Variants in PGGT1B observed in about 807,000 individuals in gnomAD.
PGGT1B encodes the protein protein geranylgeranyltransferase type I subunit beta.
A neutral mutation model predicts 46.1 loss-of-function variants in PGGT1B; 30 were observed. The observed-to-expected ratio is 0.65, with a 90% confidence interval of 0.49 to 0.88. The LOEUF (loss-of-function observed/expected upper bound fraction) is 0.88, where lower values mean the gene tolerates loss of function less well. Among genes scored for constraint, PGGT1B ranks in the 40% least tolerant of loss-of-function variants. The probability of loss-of-function intolerance (pLI) is 0.00; values close to 1 mark genes in which losing one functional copy is unlikely to be tolerated. For synonymous variants in PGGT1B, 170 were observed against 160.0 expected (o/e 1.06, Z -0.47); for missense variants, 376 against 455.9 (o/e 0.82, Z 1.60).
chr5:115,234,594 G>C (rs141796064), intron 5 of PGGT1B, among the ~76,000 whole-genome samples: 191 of 152,092 alleles, frequency 1.3e-3, no homozygotes, highest in African/African-American at 4.5e-3. Context: ...ACTTCAAACA[G>C]ATAACATAAC....
At position 115,211,598 on chromosome 5, in the gene PGGT1B, C is replaced by CAAAAAA. The variant is rs34207751; in HGVS notation, c.*798_*803dup. 47 of 72,850 alleles carry CAAAAAA rather than the reference C, an allele frequency of 6.5e-4. No individual in the cohort carries two copies. The highest frequency in any genetic ancestry group is 1.2e-3 in the African/African-American group (22 of 18,178). 4.5% of individuals were successfully genotyped at this position (72,850 alleles called of 1,614,324 possible). The stretch of plus-strand genomic sequence containing the variant: ...AAAAGATTGTTTTCTTCCTAGAAAG[C>CAAAAAA]AAAAAAAAAAAAAAAAAAAAAAAGG... On this transcript the variant is annotated 3_prime_UTR_variant, in exon 9 of 9. Coordinates refer to ENST00000419445, the MANE Select transcript of PGGT1B (RefSeq NM_005023.4).
chr5:115,246,469 C>A (rs1747840385), intron 2 of PGGT1B, among the ~76,000 whole-genome samples: 1 of 151,940 alleles, frequency 6.6e-6, no homozygotes, highest in Admixed American at 6.6e-5. Flanking sequence ...GTAAGCATAC[C>A]TTTTCATGAT....
chr5:115,256,457 T>C (rs533971977), intron 1 of PGGT1B, among the ~76,000 whole-genome samples: 1 of 152,318 alleles, frequency 6.6e-6, no homozygotes, highest in South Asian at 2.1e-4. Context: ...TACTTAATTA[T>C]TAAGGGCTCC....
In PGGT1B at chr5:115,207,556, C is replaced by G. The variant is rs1428442637; in HGVS notation, c.*4846G>C. On this transcript the variant is annotated 3_prime_UTR_variant, in exon 9 of 9. Coordinates refer to ENST00000419445, the MANE Select transcript of PGGT1B (RefSeq NM_005023.4). ...TGATTTCTGACACCATACATAGATG[C>G]TGTCTGTTTTGAACTTCACCGAAAT... 1 of 151,954 alleles carries G rather than the reference C, an allele frequency of 6.6e-6. No homozygotes were observed. The highest frequency in any genetic ancestry group is 2.4e-5 in the African/African-American group (1 of 41,394). The allele number at this position is 151,954 out of a possible 1,614,324, so 9.4% of individuals were successfully genotyped here. A position where few individuals can be genotyped will look rare whatever the true frequency, so the allele number is the denominator to read the frequency against.
intron 8 of PGGT1B, among the ~76,000 whole-genome samples, chr5:115,213,399 TA>T (rs1486582962): frequency 6.6e-6 from 1 of 152,174 alleles, no homozygotes; most frequent in Non-Finnish European, 1.5e-5. Flanking sequence ...ATAGGAACAT[TA>T]AAAAGACAGT....
intron 2 of PGGT1B, among the ~76,000 whole-genome samples, chr5:115,242,202 C>T (rs1221881447): frequency 3.3e-5 from 5 of 152,142 alleles, no homozygotes; most frequent in Non-Finnish European, 1.5e-5. Context: ...TAGTCTCTCT[C>T]TACTCAATCA....
intron 2 of PGGT1B, among the ~76,000 whole-genome samples, chr5:115,246,497 C>T (rs1747841653): frequency 1.3e-5 from 2 of 152,102 alleles, no homozygotes; most frequent in African/African-American, 2.4e-5. Flanking sequence ...AAAGTATACA[C>T]ACACAATTCA....
intron 1 of PGGT1B, among the ~76,000 whole-genome samples, chr5:115,257,242 G>A (rs1411594486): frequency 6.6e-6 from 1 of 152,192 alleles, no homozygotes; most frequent in South Asian, 2.1e-4. Flanking sequence ...GATGGGCGCA[G>A]TGGCTCACTC....
Position 115,231,020 on chromosome 5 carries a change from G to C in PGGT1B, c.614C>G (p.Ser205Cys), listed in dbSNP as rs1364936565. The C allele has an allele frequency of 2.6e-6, 4 of 1,524,114 alleles. No individual in the cohort carries two copies. Among genetic ancestry groups the C allele is most frequent in the African/African-American group, 2.8e-5 (2 of 71,438 alleles). 94.4% of individuals were successfully genotyped at this position (1,524,114 alleles called of 1,614,324 possible). The change falls in exon 6 of 9, where the codon TCC becomes TGC. Residue 205 changes from serine (S) to cysteine (C), a missense_variant and splice_region_variant. Physicochemically the swap from Ser to Cys is moderately radical, Grantham distance 112. Coordinates refer to ENST00000419445, the MANE Select transcript of PGGT1B (RefSeq NM_005023.4). Reference protein sequence around the residue: ...KAITYIRRSMSYDNGLAQGAG... With the variant: ...KAITYIRRSMCYDNGLAQGAG... ...TCCCTGTGCCAGTCCATTGTCATAG[G>C]ACTGAAAAAGAAAAACATTGTTCAG...
At position 115,212,326 on chromosome 5, in the gene PGGT1B, A is replaced by G; in HGVS notation, c.*76T>C. 6.3e-7 allele frequency: 1 copy of G among 1,595,912 alleles called. No homozygotes were observed. The highest frequency in any genetic ancestry group is 2.3e-5 in the East Asian group (1 of 44,320). The stretch of plus-strand genomic sequence containing the variant: ...ACTCTACCTTTTAAAAAAAGAGCAC[A>G]CTTGGTTATACATGGCTTTTAAACT... On this transcript the variant is annotated 3_prime_UTR_variant, in exon 9 of 9. Transcript: ENST00000419445.
rs1409115494 is a variant in PGGT1B at position 115,221,554 on chromosome 5, T to C, written c.843+270A>G. On this transcript the variant is annotated intron_variant, in intron 7 of 8. Transcript: ENST00000419445. ...CCTTATACCCACAAGAAAGTAAGTA[T>C]TTAATATGTTCTATGTAAGGTTTTA... Among the ~76,000 whole-genome samples the C allele has an allele frequency of 2.0e-5, 3 of 152,004 alleles. No individual in the cohort carries two copies. The East Asian group carries it at 5.8e-4, about 29-fold the overall frequency.
chr5:115,225,866 C>T (rs1756765890), intron 6 of PGGT1B, among the ~76,000 whole-genome samples: 1 of 151,898 alleles, frequency 6.6e-6, no homozygotes, highest in Admixed American at 6.6e-5. Context: ...CCAGGCTGGT[C>T]CTGAACTCCT....
intron 5 of PGGT1B, among the ~76,000 whole-genome samples, chr5:115,236,074 C>T (rs528988633): frequency 6.6e-6 from 1 of 152,240 alleles, no homozygotes; most frequent in East Asian, 1.9e-4. Flanking sequence ...TCAGGACTCT[C>T]TACTAACTCC....
intron 2 of PGGT1B, among the ~76,000 whole-genome samples, chr5:115,242,218 T>C (rs1001505269): frequency 2.0e-5 from 3 of 152,206 alleles, no homozygotes; most frequent in Admixed American, 6.5e-5. Flanking sequence ...AATCAAAATA[T>C]GTTTATCCAT....
At chr5:115,252,650 G>A (rs988639179) in intron 2 of PGGT1B, among the ~76,000 whole-genome samples, 59 of 152,088 alleles carry the variant, frequency 3.9e-4, no homozygotes, top group African/African-American at 1.3e-3. Context: ...GTTTTTAAGT[G>A]TTAAGTGTAA....
chr5:115,231,251 C>T (rs77056709), intron 5 of PGGT1B, among the ~76,000 whole-genome samples: 3,229 of 152,080 alleles, frequency 0.021, 132 homozygotes, highest in African/African-American at 0.074. Context: ...ACACTAGGCA[C>T]ATTCTGAGAA....
chr5:115,215,422 C>T (rs529289071), intron 8 of PGGT1B, among the ~76,000 whole-genome samples: 1 of 152,252 alleles, frequency 6.6e-6, no homozygotes, highest in Admixed American at 6.5e-5. Context: ...CCCCAGCCTC[C>T]CAAGTAGTTG....
intron 2 of PGGT1B, among the ~76,000 whole-genome samples, chr5:115,245,298 G>A (rs1182375392): frequency 6.6e-6 from 1 of 152,180 alleles, no homozygotes; most frequent in Admixed American, 6.5e-5. Flanking sequence ...ATCAGTAAAT[G>A]ACATTTCTGT....
chr5:115,207,955 A>C lies in PGGT1B; in HGVS notation c.*4447T>G, dbSNP rs1461170466. ...CTACTTAGTATAGTTAACATAAGTGAGTGCTCAATTCTATCATGTCTTTTC... is the reference window on the plus strand; with the variant it reads ...CTACTTAGTATAGTTAACATAAGTGCGTGCTCAATTCTATCATGTCTTTTC... On this transcript the variant is annotated 3_prime_UTR_variant, in exon 9 of 9. Transcript: ENST00000419445. 1 of 152,088 alleles carries C rather than the reference A, an allele frequency of 6.6e-6. No homozygotes were observed. Among genetic ancestry groups the C allele is most frequent in the East Asian group, 1.9e-4 (1 of 5,196 alleles). 9.4% of individuals were successfully genotyped at this position (152,088 alleles called of 1,614,324 possible).
Sources: allele counts gnomAD v4.1 joint callset (sites outside exome capture counted in the v4.1 genomes callset), GRCh38; gene constraint gnomAD v4.1.1; transcripts MANE v1.5; gene names NCBI Gene and HGNC (gene_info 2026-07-23, HGNC 2026-07-21).